The following RPS11 variants were observed in gnomAD, a reference collection of about 807,000 sequenced individuals.
RPS11 encodes small ribosomal subunit protein uS17.
For synonymous variants in RPS11, 107 were observed against 78.0 expected, an observed-to-expected ratio of 1.37 and a Z score of -1.96; for missense variants, 127 against 211.4, an observed-to-expected ratio of 0.60 and a Z score of 2.48.
At chr19:49,496,526 C>T (rs775296176) in intron 1 of RPS11, 55 bp downstream of exon 1, 43 of 1,550,210 alleles carry the variant, frequency 2.8e-5, no homozygotes, top group Non-Finnish European at 3.6e-5. Flanking sequence ...CCTTCAGGGG[C>T]GCGTCCGGGA....
chr19:49,496,467 T>A lies in RPS11; in HGVS notation c.11T>A (p.Ile4Asn), dbSNP rs754070725. 6.2e-7 allele frequency: 1 copy of A among 1,611,720 alleles called. No homozygotes were observed. MAD[I>N]QTERAYQKQP... The stretch of plus-strand genomic sequence containing the variant: ...CAGGCGGCCGGGAAGATGGCGGACA[T>A]TCAGGTGCGGACTCGGGGTTGGATG... The change falls in exon 1 of 5, where the codon ATT becomes AAT. Residue 4 changes from isoleucine (I) to asparagine (N), a missense_variant. Physicochemically the swap from Ile to Asn is moderately radical, Grantham distance 149 (BLOSUM62 -3). Transcript: ENST00000270625.
At chr19:49,497,385 CGAGT>C (rs2079911896) in intron 2 of RPS11, 60 bp downstream of exon 2, 1 of 1,609,516 alleles carries the variant, frequency 6.2e-7, no homozygotes, top group Non-Finnish European at 8.5e-7. Context: ...GTGCCCACGA[CGAGT>C]TGCCCTGCCT....
At chr19:49,497,382 C>T (rs1456416041) in intron 2 of RPS11, 57 bp downstream of exon 2, 4 of 1,610,412 alleles carry the variant, frequency 2.5e-6, no homozygotes, top group Admixed American at 1.7e-5. Context: ...CGTGTGCCCA[C>T]GACGAGTTGC....
At chr19:49,497,447 G>A (rs564296975) in intron 2 of RPS11, 73 bp from the exon 3 acceptor site, 2 of 1,593,990 alleles carry the variant, frequency 1.3e-6, no homozygotes, top group African/African-American at 1.3e-5. Flanking sequence ...TTGCTTCCCT[G>A]AGGCCACGCC....
chr19:49,496,498 G>C (rs2122636213), intron 1 of RPS11, 27 bp downstream of exon 1: 1 of 1,605,692 alleles, frequency 6.2e-7, no homozygotes, highest in Non-Finnish European at 8.5e-7. Context: ...GGATGCCAGG[G>C]TGCGGGGTCC....
chr19:49,497,910 C>G lies in RPS11; in HGVS notation c.224-7C>G. ...GGACCTGACCTATGATCGGCCCCCGCTCCTAGGCGTGGTGACCAAGATGAA... is the reference window on the plus strand; with the variant it reads ...GGACCTGACCTATGATCGGCCCCCGGTCCTAGGCGTGGTGACCAAGATGAA... On this transcript the variant is annotated splice_polypyrimidine_tract_variant and splice_region_variant and intron_variant, in intron 3 of 4. Transcript: ENST00000270625. 1 of 1,614,168 alleles carries G rather than the reference C, an allele frequency of 6.2e-7. No individual in the cohort carries two copies. Among genetic ancestry groups the G allele is most frequent in the Non-Finnish European group, 8.5e-7 (1 of 1,180,014 alleles).
At chr19:49,498,968 T>C (rs2079921344) in intron 4 of RPS11, among the ~76,000 whole-genome samples, 1 of 152,172 alleles carries the variant, frequency 6.6e-6, no homozygotes, top group African/African-American at 2.4e-5. Context: ...TGGGGTTCAG[T>C]GGTGAGCCAG....
chr19:49,499,466 G>C (rs766914166), intron 4 of RPS11, 46 bp from the exon 5 acceptor site: 8 of 1,588,814 alleles, frequency 5.0e-6, no homozygotes, highest in Non-Finnish European at 1.7e-6. Flanking sequence ...CCTGGGGTCT[G>C]CTGGGGTGGC....
rs766287211 is a variant in RPS11 at position 49,498,035 on chromosome 19, C to A, written c.342C>A (p.Ser114=). ...ACAAGAACATGTCTGTACACCTGTCCCCCTGCTTCAGGTGAGCGCAGTGGC... is the reference window on the plus strand; with the variant it reads ...ACAAGAACATGTCTGTACACCTGTCACCCTGCTTCAGGTGAGCGCAGTGGC... ...KRHKNMSVHL[S]PCFRDVQIGD... Residue 114 remains serine (S), a synonymous_variant, in exon 4 of 5, where the codon TCC becomes TCA. Coordinates refer to ENST00000270625, the MANE Select transcript of RPS11 (RefSeq NM_001015.5). 11 of 1,612,496 alleles carry A rather than the reference C, an allele frequency of 6.8e-6. No homozygotes were observed. The highest frequency in any genetic ancestry group is 9.3e-6 in the Non-Finnish European group (11 of 1,179,994).
intron 1 of RPS11, among the ~76,000 whole-genome samples, chr19:49,496,991 G>C (rs2079909554): frequency 6.6e-6 from 1 of 152,018 alleles, no homozygotes. Context: ...ATAACCTCGG[G>C]CTTAGATCTG....
rs368951779 is a variant in RPS11 at position 49,496,493 on chromosome 19, C to A, written c.15+22C>A. On this transcript the variant is annotated intron_variant, in intron 1 of 4. Transcript: ENST00000270625. Reference sequence around the variant, plus strand: ...TCAGGTGCGGACTCGGGGTTGGATGCCAGGGTGCGGGGTCCGCCTTGGCCT... The same window carrying A: ...TCAGGTGCGGACTCGGGGTTGGATGACAGGGTGCGGGGTCCGCCTTGGCCT... 16 of 1,606,446 alleles carry A rather than the reference C, an allele frequency of 1.0e-5. No homozygotes were observed. In the African/African-American group the frequency reaches 2.2e-4, roughly 22 times the overall value.
rs199949032 is a variant in RPS11 at position 49,499,515 on chromosome 19, C to T, written c.357C>T (p.Asp119=). 236 of 1,613,210 alleles carry T rather than the reference C, an allele frequency of 1.5e-4. 1 individual carries two copies. The East Asian group carries it at 4.4e-3, about 30-fold the overall frequency. ...MSVHLSPCFR[D]VQIGDIVTVG... Reference sequence around the variant, plus strand: ...ATGGCCCTACCTGCCTCCACAGGGACGTCCAGATCGGTGACATCGTCACAG... The same window carrying T: ...ATGGCCCTACCTGCCTCCACAGGGATGTCCAGATCGGTGACATCGTCACAG... The change falls in exon 5 of 5, where the codon GAC becomes GAT. Residue 119 remains aspartate (D), a synonymous_variant. Transcript: ENST00000270625.
intron 1 of RPS11, 105 bp downstream of exon 1, chr19:49,496,576 G>A: frequency 1.6e-6 from 2 of 1,233,186 alleles, no homozygotes; most frequent in Non-Finnish European, 2.2e-6. Context: ...TTAATTCCGG[G>A]CGTCCGTGAT....
chr19:49,497,288 A>C lies in RPS11; in HGVS notation c.110A>C (p.Tyr37Ser), dbSNP rs377389591. 2.5e-6 allele frequency: 4 copies of C among 1,614,042 alleles called. No individual in the cohort carries two copies. Among genetic ancestry groups the C allele is most frequent in the Non-Finnish European group, 3.4e-6 (4 of 1,180,032 alleles). Residue 37 changes from tyrosine to serine, a missense_variant, in exon 2 of 5, where the codon TAC becomes TCC. Physicochemically the swap from Tyr to Ser is moderately radical, Grantham distance 144 (BLOSUM62 -2). Coordinates refer to ENST00000270625, the MANE Select transcript of RPS11 (RefSeq NM_001015.5). ...ETGKEKLPRY[Y>S]KNIGLGFKTP... ...GGCAAGGAGAAGCTCCCGCGGTACTACAAGAACATCGGTCTGGGCTTCAAG... is the reference window on the plus strand; with the variant it reads ...GGCAAGGAGAAGCTCCCGCGGTACTCCAAGAACATCGGTCTGGGCTTCAAG...
chr19:49,498,378 C>A (rs2079918088), intron 4 of RPS11: 2 of 319,266 alleles, frequency 6.3e-6, no homozygotes, highest in East Asian at 7.0e-5. Flanking sequence ...TTACGCAGTG[C>A]GTTTTATAAT....
chr19:49,499,659 A>G lies in RPS11; in HGVS notation c.*24A>G, dbSNP rs767946395. The G allele has an allele frequency of 1.9e-6, 3 of 1,608,808 alleles. No individual in the cohort carries two copies. The highest frequency in any genetic ancestry group is 2.5e-6 in the Non-Finnish European group (3 of 1,176,834). ...GAGGCTGGACATCGGCCCGCTCCCC[A>G]CAATGAAATAAAGTTATTTTCTCAT... On this transcript the variant is annotated 3_prime_UTR_variant, in exon 5 of 5. Transcript: ENST00000270625.
chr19:49,496,550 C>G, intron 1 of RPS11, 79 bp downstream of exon 1: 1 of 1,437,492 alleles, frequency 7.0e-7, no homozygotes, highest in South Asian at 1.3e-5. Context: ...CAGAGCCCGG[C>G]GGCCAAGTTC....
At chr19:49,498,337 T>A in intron 4 of RPS11, 1 of 424,318 alleles carries the variant, frequency 2.4e-6, no homozygotes, top group Non-Finnish European at 4.4e-6. Flanking sequence ...TTGTTTCATA[T>A]ACACCTTATT....
In RPS11 at chr19:49,497,504, T is replaced by G. The variant is rs762318979; in HGVS notation, c.148-16T>G. 2 of 1,613,118 alleles carry G rather than the reference T, an allele frequency of 1.2e-6. No homozygotes were observed. The highest frequency in any genetic ancestry group is 1.7e-5 in the Admixed American group (1 of 60,004). On this transcript the variant is annotated splice_polypyrimidine_tract_variant and intron_variant, in intron 2 of 4. Transcript: ENST00000270625. ...CCCGCCCAAGGCTCACTCCTTTATC[T>G]TTCCTATCCTTTCAGGCTATTGAGG...
Sources: allele counts gnomAD v4.1 joint callset (sites outside exome capture counted in the v4.1 genomes callset), GRCh38; gene constraint gnomAD v4.1.1; transcripts MANE v1.5; gene names NCBI Gene and HGNC (gene_info 2026-07-23, HGNC 2026-07-21).